Variants in ELAVL2 observed in about 807,000 individuals in gnomAD.
The protein encoded by ELAVL2 is ELAV-like protein 2.
A neutral mutation model predicts 34.6 loss-of-function variants in ELAVL2; 4 were observed. That is an observed-to-expected ratio of 0.12 (90% confidence interval 0.06 to 0.26). The LOEUF is 0.26. Among genes scored for constraint, ELAVL2 ranks in the 10% least tolerant of loss-of-function variants. ELAVL2 has a pLI of 1.00. For missense variants in ELAVL2, 432 were observed against 442.8 expected (o/e 0.98, Z 0.22); for synonymous variants, 193 against 154.8 (o/e 1.25, Z -1.83).
intron 1 of ELAVL2, among the ~76,000 whole-genome samples, chr9:23,813,091 T>C (rs1588747598): frequency 1.3e-5 from 2 of 152,206 alleles, no homozygotes; most frequent in East Asian, 3.8e-4. Context: ...ACTATATTCA[T>C]CTCACTAGAC....
rs1244395033 is a variant in ELAVL2 at position 23,696,154 on chromosome 9, G to A, written c.714-2668C>T. On this transcript the variant is annotated intron_variant, in intron 5 of 6. Transcript: ENST00000397312. ...ATCTTTCTTCTCCTCCATCACCAAC[G>A]AGTGTAGGGAGAAGCATGGAACCTA... is the stretch of plus-strand genomic sequence containing the variant. 3.3e-5 allele frequency among the ~76,000 whole-genome samples: 5 copies of A among 151,982 alleles called. No homozygotes were observed. The East Asian group carries it at 7.7e-4, about 24-fold the overall frequency.
the ELAVL2 span, among the ~76,000 whole-genome samples, chr9:23,841,105 T>C: frequency 2.6e-5 from 4 of 152,142 alleles, no homozygotes; most frequent in African/African-American, 9.7e-5. Flanking sequence ...GAACAACCTG[T>C]TACCTTGAAA....
At chr9:23,763,098 AAAC>A (rs1248579703) in intron 1 of ELAVL2, among the ~76,000 whole-genome samples, 2 of 152,140 alleles carry the variant, frequency 1.3e-5, no homozygotes, top group African/African-American at 2.4e-5. Context: ...CAGTCAATGA[AAAC>A]AACAATGTAA....
At chr9:23,783,995 C>T (rs1157650539) in intron 1 of ELAVL2, among the ~76,000 whole-genome samples, 2 of 151,750 alleles carry the variant, frequency 1.3e-5, no homozygotes, top group South Asian at 2.1e-4. Context: ...GAGATCGAGA[C>T]CATCCTGGCT....
At chr9:23,696,180 G>A (rs767395901) in intron 5 of ELAVL2, among the ~76,000 whole-genome samples, 1 of 151,790 alleles carries the variant, frequency 6.6e-6, no homozygotes, top group African/African-American at 2.4e-5. Context: ...ATGGAACCTA[G>A]AAAACAGTGC....
chr9:23,794,028 C>G (rs1265883856), intron 1 of ELAVL2, among the ~76,000 whole-genome samples: 1 of 152,136 alleles, frequency 6.6e-6, no homozygotes, highest in African/African-American at 2.4e-5. Context: ...ATATAGAAAC[C>G]CAACCAGAAT....
chr9:23,796,781 T>C (rs1418426079), intron 1 of ELAVL2, among the ~76,000 whole-genome samples: 1 of 152,118 alleles, frequency 6.6e-6, no homozygotes, highest in Non-Finnish European at 1.5e-5. Flanking sequence ...ATGTAAAAGA[T>C]ATCCTGAGAA....
chr9:23,740,612 T>C lies in ELAVL2; in HGVS notation c.230-9487A>G, dbSNP rs181164268. Reference sequence around the variant, plus strand: ...TGAAATAAATTGACTGGAACTTCAATTCTTTCTTAATCCATCCAAGAGACT... The same window carrying C: ...TGAAATAAATTGACTGGAACTTCAACTCTTTCTTAATCCATCCAAGAGACT... On this transcript the variant is annotated intron_variant, in intron 2 of 6. Transcript: ENST00000397312. 1.5e-3 allele frequency among the ~76,000 whole-genome samples: 230 copies of C among 152,020 alleles called. 1 individual carries two copies. The highest frequency in any genetic ancestry group is 6.8e-3 in the Middle Eastern group (2 of 294).
chr9:23,706,033 A>G (rs2039230647), intron 3 of ELAVL2, among the ~76,000 whole-genome samples: 1 of 152,216 alleles, frequency 6.6e-6, no homozygotes, highest in African/African-American at 2.4e-5. Flanking sequence ...ATGATTGTCC[A>G]TAAATTCCCA....
chr9:23,717,761 T>C (rs193207631), intron 3 of ELAVL2, among the ~76,000 whole-genome samples: 7 of 152,302 alleles, frequency 4.6e-5, no homozygotes, highest in Admixed American at 4.6e-4. Context: ...TCTCCCTTAC[T>C]ACACAATGAC....
chr9:23,770,102 G>A (rs188019372), intron 1 of ELAVL2, among the ~76,000 whole-genome samples: 1 of 152,328 alleles, frequency 6.6e-6, no homozygotes, highest in East Asian at 1.9e-4. Flanking sequence ...CTGAGGTACA[G>A]CAATGAAGAA....
At chr9:23,700,081 G>C (rs2133080839) in intron 5 of ELAVL2, among the ~76,000 whole-genome samples, 1 of 151,624 alleles carries the variant, frequency 6.6e-6, no homozygotes, top group East Asian at 1.9e-4. Context: ...ATATTCCAAT[G>C]AAAAAAATAA....
intron 1 of ELAVL2, among the ~76,000 whole-genome samples, chr9:23,774,478 C>A (rs996356161): frequency 6.6e-6 from 1 of 152,102 alleles, no homozygotes; most frequent in African/African-American, 2.4e-5. Context: ...AGCACAGTCA[C>A]AAACGGTGAC....
At chr9:23,796,787 G>C (rs1333096628) in intron 1 of ELAVL2, among the ~76,000 whole-genome samples, 1 of 149,446 alleles carries the variant, frequency 6.7e-6, no homozygotes, top group East Asian at 1.9e-4. Flanking sequence ...AAGATATCCT[G>C]AGAACAATTG....
chr9:23,750,840 G>C (rs544836381), intron 2 of ELAVL2, among the ~76,000 whole-genome samples: 2 of 152,244 alleles, frequency 1.3e-5, no homozygotes, highest in African/African-American at 4.8e-5. Context: ...CAGTACCCTT[G>C]GAGGCAACTC....
At chr9:23,693,384 C>CA in intron 6 of ELAVL2, 64 bp downstream of exon 6, 1 of 1,603,758 alleles carries the variant, frequency 6.2e-7, no homozygotes, top group Non-Finnish European at 8.5e-7. Context: ...ATAGCACTCC[C>CA]AAAATCAAAG....
intron 6 of ELAVL2, 86 bp from the exon 7 acceptor site, chr9:23,692,970 T>A: frequency 7.9e-7 from 1 of 1,258,614 alleles, no homozygotes; most frequent in East Asian, 2.5e-5. Flanking sequence ...ACCTTTTCCA[T>A]CCCCAAGAAT....
At chr9:23,693,100 A>G (rs2033773029) in intron 6 of ELAVL2, among the ~76,000 whole-genome samples, 1 of 152,252 alleles carries the variant, frequency 6.6e-6, no homozygotes, top group African/African-American at 2.4e-5. Context: ...TGAAATGACC[A>G]TTATTCACTG....
the ELAVL2 span, among the ~76,000 whole-genome samples, chr9:23,850,102 C>T: frequency 6.9e-6 from 1 of 145,960 alleles, no homozygotes; most frequent in South Asian, 2.2e-4. Flanking sequence ...TCAGAACATA[C>T]CGGGGAGGGG....
Sources: allele counts gnomAD v4.1 joint callset (sites outside exome capture counted in the v4.1 genomes callset), GRCh38; gene constraint gnomAD v4.1.1; transcripts MANE v1.5; gene names NCBI Gene and HGNC (gene_info 2026-07-23, HGNC 2026-07-21).